The following GAS7 variants were observed in gnomAD, a reference collection of about 807,000 sequenced individuals.
The protein encoded by GAS7 is growth arrest specific 7, also known as growth arrest-specific protein 7.
In GAS7, 28 loss-of-function variants were observed where a neutral mutation model predicts 71.1. That is an observed-to-expected ratio of 0.39 (90% CI 0.29 to 0.54). The LOEUF is 0.54. GAS7 is among the 20% of genes least tolerant of loss of function. The probability of loss-of-function intolerance (pLI) is 0.62; values close to 1 mark genes in which losing one functional copy is unlikely to be tolerated. For missense variants in GAS7, 436 were observed against 627.8 expected, an observed-to-expected ratio of 0.69 and a Z score of 3.27; for synonymous variants, 258 against 245.8, an observed-to-expected ratio of 1.05 and a Z score of -0.46.
chr17:10,183,844 G>GA (rs796270979), intron 1 of GAS7, among the ~76,000 whole-genome samples: 1,918 of 142,526 alleles, frequency 0.013, 42 homozygotes, highest in African/African-American at 0.043. Context: ...TCCGTCTCAG[G>GA]AAAAAAAAAA....
intron 5 of GAS7, among the ~76,000 whole-genome samples, chr17:9,952,235 T>C (rs1021711004): frequency 1.3e-5 from 2 of 152,030 alleles, no homozygotes; most frequent in African/African-American, 4.8e-5. Context: ...GGACCACACT[T>C]TGAGAACCAG....
intron 1 of GAS7, among the ~76,000 whole-genome samples, chr17:10,096,836 C>G (rs576873998): frequency 6.6e-6 from 1 of 152,262 alleles, no homozygotes; most frequent in South Asian, 2.1e-4. Context: ...TACGGATCCA[C>G]GAGTGGCGTC....
intron 2 of GAS7, among the ~76,000 whole-genome samples, chr17:9,990,987 G>A (rs761143773): frequency 1.3e-5 from 2 of 152,176 alleles, no homozygotes; most frequent in African/African-American, 4.8e-5. Context: ...TGTAAAGTAC[G>A]GGATAGCAGT....
chr17:9,947,829 AAAAC>A lies in GAS7; in HGVS notation c.526-850_526-847del, dbSNP rs199734675. 6.4e-4 allele frequency among the ~76,000 whole-genome samples: 73 copies of A among 114,186 alleles called. 2 individuals are homozygous for A. Among genetic ancestry groups the A allele is most frequent in the African/African-American group, 7.6e-4 (16 of 21,024 alleles). The allele number at this position is 114,186 out of a possible 152,430, so 74.9% of individuals were successfully genotyped here. ...AGGATATATGGTTAGGTGAAGGTTAAAAACAAAAAAAAAAAAAAAGCAAGCAGAG... is the reference window on the plus strand; with the variant it reads ...AGGATATATGGTTAGGTGAAGGTTAAAAAAAAAAAAAAAAAGCAAGCAGAG... On this transcript the variant is annotated intron_variant, in intron 5 of 13. Coordinates refer to ENST00000432992, the MANE Select transcript of GAS7 (RefSeq NM_201433.2).
At chr17:10,077,944 A>C (rs1274952805) in intron 1 of GAS7, among the ~76,000 whole-genome samples, 1 of 152,204 alleles carries the variant, frequency 6.6e-6, no homozygotes, top group East Asian at 1.9e-4. Context: ...AGAGCAACAG[A>C]CCAGAACAGA....
intron 1 of GAS7, among the ~76,000 whole-genome samples, chr17:10,075,228 C>T (rs1718215438): frequency 6.6e-6 from 1 of 151,886 alleles, no homozygotes; most frequent in African/African-American, 2.4e-5. Flanking sequence ...TGGCGGCACA[C>T]ACCTGTAATC....
chr17:10,171,849 G>A (rs2074337252), intron 1 of GAS7, among the ~76,000 whole-genome samples: 1 of 152,174 alleles, frequency 6.6e-6, no homozygotes, highest in African/African-American at 2.4e-5. Flanking sequence ...CTGCATGAAA[G>A]CCCTCTGTAA....
At chr17:10,146,266 T>C (rs2074120231) in intron 1 of GAS7, among the ~76,000 whole-genome samples, 1 of 152,218 alleles carries the variant, frequency 6.6e-6, no homozygotes, top group African/African-American at 2.4e-5. Flanking sequence ...TCACTTTTTA[T>C]AGCCCAGTGT....
In GAS7 at chr17:9,959,503, A is replaced by C. The variant is rs1203641493; in HGVS notation, c.472-248T>G. On this transcript the variant is annotated intron_variant, in intron 4 of 13. Coordinates refer to ENST00000432992, the MANE Select transcript of GAS7 (RefSeq NM_201433.2). This position sits in a 1 kb window ranked among gnomAD's most constrained non-coding sequence, Gnocchi z 5.0. ...ACAGGCTCTGAGAGAACTGCTCCAA[A>C]CCAGGTCTCCCCTCCTCTTCTCTCA... The C allele has an allele frequency of 1.4e-5, 19 of 1,335,430 alleles. No homozygotes were observed. The highest frequency in any genetic ancestry group is 1.7e-5 in the Non-Finnish European group (18 of 1,031,776). The allele number at this position is 1,335,430 out of a possible 1,614,324, so 82.7% of individuals were successfully genotyped here. A position where few individuals can be genotyped will look rare whatever the true frequency, so the allele number is the denominator to read the frequency against.
At chr17:10,162,347 G>A (rs543405805) in intron 1 of GAS7, among the ~76,000 whole-genome samples, 55 of 152,158 alleles carry the variant, frequency 3.6e-4, no homozygotes, top group Non-Finnish European at 1.2e-4. Flanking sequence ...GGAGGGAGCT[G>A]TATATTTTAT....
chr17:9,962,954 C>T (rs1422406033), intron 4 of GAS7, among the ~76,000 whole-genome samples: 1 of 149,766 alleles, frequency 6.7e-6, no homozygotes, highest in Non-Finnish European at 1.5e-5. Flanking sequence ...TGAACCTACG[C>T]ATAAGAGAAC....
At chr17:9,960,670 G>A (rs568184257) in intron 4 of GAS7, among the ~76,000 whole-genome samples, 11 of 152,338 alleles carry the variant, frequency 7.2e-5, no homozygotes, top group South Asian at 2.1e-4. Flanking sequence ...AGGTGAGGGC[G>A]AGCCTTTGCC....
In GAS7 at chr17:10,168,315, G is replaced by T. The variant is rs544356438; in HGVS notation, c.183+29893C>A. Reference sequence around the variant, plus strand: ...AAAGAAGTTAAGAAATAATAGCTTGGTTTTCTTTATTTAAAAGAACTAAAC... The same window carrying T: ...AAAGAAGTTAAGAAATAATAGCTTGTTTTTCTTTATTTAAAAGAACTAAAC... On this transcript the variant is annotated intron_variant, in intron 1 of 13. Coordinates refer to ENST00000432992, the MANE Select transcript of GAS7 (RefSeq NM_201433.2). Among the ~76,000 whole-genome samples the T allele has an allele frequency of 9.2e-5, 14 of 152,202 alleles. No individual in the cohort carries two copies. In the South Asian group the frequency reaches 2.9e-3, roughly 32 times the overall value.
intron 1 of GAS7, among the ~76,000 whole-genome samples, chr17:10,038,862 G>T (rs1479067035): frequency 6.6e-6 from 1 of 152,052 alleles, no homozygotes; most frequent in Non-Finnish European, 1.5e-5. Flanking sequence ...ACCATGCCTG[G>T]CTAATTGGAA....
chr17:9,970,002 T>A (rs2069894337), intron 3 of GAS7, among the ~76,000 whole-genome samples: 1 of 152,190 alleles, frequency 6.6e-6, no homozygotes, highest in African/African-American at 2.4e-5. Flanking sequence ...GTTTCTTTTT[T>A]AACCCGAGAG....
At chr17:10,187,384 C>G (rs2074463542) in intron 1 of GAS7, among the ~76,000 whole-genome samples, 1 of 152,288 alleles carries the variant, frequency 6.6e-6, no homozygotes, top group Admixed American at 6.5e-5. Flanking sequence ...ATAGCACACA[C>G]CCCCACAATG....
chr17:9,984,480 G>C (rs1456243271), intron 2 of GAS7, among the ~76,000 whole-genome samples: 1 of 152,194 alleles, frequency 6.6e-6, no homozygotes, highest in African/African-American at 2.4e-5. Context: ...CCAGACAGTA[G>C]TAGGGTCTTT....
rs142486428 is a variant in GAS7, at chr17:10,047,484, G to A, written c.184-27587C>T. 2.7e-4 allele frequency among the ~76,000 whole-genome samples: 41 copies of A among 152,290 alleles called. 1 individual carries two copies. In the East Asian group the frequency reaches 6.9e-3, roughly 26 times the overall value. ...GATACTTTCTGTTGGTACATGCCAC[G>A]TTTACATAGATCCTGCCGTGTCAAG... On this transcript the variant is annotated intron_variant, in intron 1 of 13. Transcript: ENST00000432992.
chr17:9,930,652 A>G (rs1655059518), intron 9 of GAS7, among the ~76,000 whole-genome samples: 1 of 152,228 alleles, frequency 6.6e-6, no homozygotes. Context: ...TGCTGCAACA[A>G]AATTGCATTT....
Sources: gnomAD v4.1 joint callset for allele counts (sites outside exome capture counted in the v4.1 genomes callset) on GRCh38, gnomAD v4.1.1 for gene constraint, Gnocchi (gnomAD v3.1) non-coding constraint, MANE v1.5 for transcripts, NCBI Gene and HGNC (gene_info 2026-07-23, HGNC 2026-07-21) for gene names.